The following PKHD1 variants were observed in gnomAD, a reference collection of about 807,000 sequenced individuals.
PKHD1 encodes PKHD1 ciliary IPT domain containing fibrocystin/polyductin, also known as fibrocystin.
PKHD1 carries 291 observed loss-of-function variants against 412.0 expected under a neutral mutation model. The observed-to-expected ratio is 0.71, with a 90% confidence interval of 0.64 to 0.78. The LOEUF (loss-of-function observed/expected upper bound fraction) is 0.78. Ranked by LOEUF, PKHD1 falls within the 30% of genes least tolerant of loss-of-function variation. The pLI, the probability that PKHD1 is intolerant of heterozygous loss-of-function variation, is 0.00. For synonymous variants in PKHD1, 1,777 were observed against 1,821.5 expected (o/e 0.98, Z 0.62); for missense variants, 4,825 against 4,950.7 (o/e 0.97, Z 0.76).
chr6:52,045,441 C>T lies in PKHD1; in HGVS notation c.2593-353G>A, dbSNP rs192961549. Among the ~76,000 whole-genome samples the T allele has an allele frequency of 1.8e-4, 27 of 152,314 alleles. No homozygotes were observed. The East Asian group carries it at 2.9e-3, about 16-fold the overall frequency. ...AAGAAACAGTGCCATGAGATAAGAG[C>T]AAGGTCTCCCATTCTTCCTCCATCT... On this transcript the variant is annotated intron_variant, in intron 24 of 66. Transcript: ENST00000371117.
Position 51,767,251 on chromosome 6 carries a change from CT to C in PKHD1, c.8642+5450del, listed in dbSNP as rs371375096. Among the ~76,000 whole-genome samples, 1,190 of 151,586 alleles carry C rather than the reference CT, an allele frequency of 7.9e-3. 15 individuals are homozygous for C. The highest frequency in any genetic ancestry group is 0.027 in the African/African-American group (1,128 of 41,376). On this transcript the variant is annotated intron_variant, in intron 55 of 66. Transcript: ENST00000371117. ...AAATGCTAATGTTTGGCTATTTTCT[CT>C]TTTTTTTGGCCTTTTATTATATTTA...
chr6:51,736,135 T>C (rs905457265), intron 60 of PKHD1, among the ~76,000 whole-genome samples: 3 of 152,056 alleles, frequency 2.0e-5, no homozygotes, highest in Admixed American at 6.6e-5. Context: ...GCCAGAAATA[T>C]GGTGGACACT....
At position 52,025,658 on chromosome 6, in the gene PKHD1, T is replaced by C. The variant is rs377746647; in HGVS notation, c.4152A>G (p.Gln1384=). The change falls in exon 32 of 67, where the codon CAA becomes CAG. Residue 1384 remains glutamine, a synonymous_variant. Transcript: ENST00000371117. ...GFANMSVVLQ[Q]FAVMPRIMAI... is the part of the protein sequence containing the mutation. Reference sequence around the variant, plus strand: ...CCATTATCCGAGGCATCACTGCAAATTGCTGGAGCACCACAGACATATTAG... The same window carrying C: ...CCATTATCCGAGGCATCACTGCAAACTGCTGGAGCACCACAGACATATTAG... 6.2e-7 allele frequency: 1 copy of C among 1,614,150 alleles called. No individual in the cohort carries two copies. Among genetic ancestry groups the C allele is most frequent in the East Asian group, 2.2e-5 (1 of 44,882 alleles).
At chr6:51,988,891 G>A (rs1796532350) in intron 35 of PKHD1, among the ~76,000 whole-genome samples, 1 of 152,126 alleles carries the variant, frequency 6.6e-6, no homozygotes. Context: ...GAGATGACAA[G>A]ACAAGTCCTC....
At position 51,994,242 on chromosome 6, in the gene PKHD1, C is replaced by T. The variant is rs538129092; in HGVS notation, c.5751+16067G>A. Among the ~76,000 whole-genome samples, 3 of 151,904 alleles carry T rather than the reference C, an allele frequency of 2.0e-5. No homozygotes were observed. In the East Asian group the frequency reaches 5.8e-4, roughly 29 times the overall value. On this transcript the variant is annotated intron_variant, in intron 35 of 66. Coordinates refer to ENST00000371117, the MANE Select transcript of PKHD1 (RefSeq NM_138694.4). ...CTCCGCCTCCCGGGTTCACGCCATT[C>T]TCCTGCCTCAGCCTCCCGGGTAGCT...
intron 35 of PKHD1, among the ~76,000 whole-genome samples, chr6:51,990,271 T>C (rs911934838): frequency 1.3e-5 from 2 of 151,994 alleles, no homozygotes; most frequent in African/African-American, 2.4e-5. Context: ...CGAGCTGGGG[T>C]CAACCATTTA....
At chr6:51,977,008 T>C (rs1374271703) in intron 35 of PKHD1, among the ~76,000 whole-genome samples, 1 of 151,676 alleles carries the variant, frequency 6.6e-6, no homozygotes, top group Non-Finnish European at 1.5e-5. Flanking sequence ...ATCAATATTC[T>C]TGGGTTCTGT....
intron 60 of PKHD1, among the ~76,000 whole-genome samples, chr6:51,661,237 G>T (rs1182127685): frequency 6.6e-6 from 1 of 151,910 alleles, no homozygotes; most frequent in African/African-American, 2.4e-5. Flanking sequence ...CAGAAATATA[G>T]ATACAGATAT....
intron 34 of PKHD1, among the ~76,000 whole-genome samples, chr6:52,014,609 A>G (rs566437027): frequency 6.6e-6 from 1 of 151,798 alleles, no homozygotes; most frequent in East Asian, 1.9e-4. Context: ...GGATGGATGG[A>G]TGAATACACT....
Position 51,887,160 on chromosome 6 carries a change from G to C in PKHD1, c.7082C>G (p.Thr2361Ser), listed in dbSNP as rs1778343130. 1 of 1,611,896 alleles carries C rather than the reference G, an allele frequency of 6.2e-7. No homozygotes were observed. The highest frequency in any genetic ancestry group is 8.5e-7 in the Non-Finnish European group (1 of 1,177,924). ...QTSQAPLLSF[T>S]QNIAHSCTRY... ...GGTACAAGAATGTGCAATGTTCTGA[G>C]TGAAGGAAAGAAGCGGAGCTTGTGA... The change falls in exon 44 of 67, where the codon ACT (threonine) becomes AGT (serine). Residue 2361 changes from threonine to serine, a missense_variant. By Grantham distance (58) the Thr-to-Ser change is moderately conservative (BLOSUM62 1). Transcript: ENST00000371117.
At chr6:51,814,755 T>C (rs1194071615) in intron 52 of PKHD1, among the ~76,000 whole-genome samples, 1 of 152,148 alleles carries the variant, frequency 6.6e-6, no homozygotes, top group East Asian at 1.9e-4. Context: ...GTGGAGGAGC[T>C]TGAATGAAAG....
chr6:52,064,938 C>G lies in PKHD1; in HGVS notation c.976+17G>C. The stretch of plus-strand genomic sequence containing the variant: ...AGATATTCAGAGTTTATTGAACAGC[C>G]CTGGTGGCTTCCTTACCTGGCTGAG... On this transcript the variant is annotated intron_variant, in intron 13 of 66. Coordinates refer to ENST00000371117, the MANE Select transcript of PKHD1 (RefSeq NM_138694.4). 4 of 1,412,388 alleles carry G rather than the reference C, an allele frequency of 2.8e-6. No homozygotes were observed. Among genetic ancestry groups the G allele is most frequent in the Middle Eastern group, 1.8e-4 (1 of 5,614 alleles). The allele number at this position is 1,412,388 out of a possible 1,614,324, so 87.5% of individuals were successfully genotyped here.
chr6:51,924,114 C>T (rs541780866), intron 37 of PKHD1, among the ~76,000 whole-genome samples: 3 of 152,120 alleles, frequency 2.0e-5, no homozygotes, highest in East Asian at 3.9e-4. Context: ...AAATATAATA[C>T]CCAATTCAAT....
intron 60 of PKHD1, chr6:51,720,904 A>G (rs551460604): frequency 1.3e-5 from 10 of 776,378 alleles, no homozygotes; most frequent in Non-Finnish European, 1.6e-5. Flanking sequence ...TAAATGCCCA[A>G]TAAGTATCTG....
chr6:51,688,775 A>G (rs1777777108), intron 60 of PKHD1, among the ~76,000 whole-genome samples: 1 of 152,146 alleles, frequency 6.6e-6, no homozygotes, highest in Non-Finnish European at 1.5e-5. Context: ...TCCTGGACAC[A>G]TACACCCTCC....
At chr6:51,724,115 C>A (rs1782263595) in intron 60 of PKHD1, among the ~76,000 whole-genome samples, 1 of 152,244 alleles carries the variant, frequency 6.6e-6, no homozygotes, top group African/African-American at 2.4e-5. Context: ...CCCACAAAAC[C>A]TTTTCACCTA....
chr6:51,699,920 A>AGTGTGTATGTGTGTATGTGTGTGTGTGT (rs57760395), intron 60 of PKHD1, among the ~76,000 whole-genome samples: 2 of 137,812 alleles, frequency 1.5e-5, no homozygotes. Context: ...ATATATATGG[A>AGTGTGTATGTGTGTATGTGTGTGTGTGT]GTGTGTGTGT....
At chr6:51,792,774 T>C (rs1793958812) in intron 52 of PKHD1, among the ~76,000 whole-genome samples, 2 of 152,214 alleles carry the variant, frequency 1.3e-5, no homozygotes, top group Admixed American at 1.3e-4. Context: ...CAAGCATTAG[T>C]TCTGCTAGCA....
rs398124498 is a variant in PKHD1 at position 52,083,223 on chromosome 6, C to A, written c.85G>T (p.Glu29Ter). 6.2e-6 allele frequency: 10 copies of A among 1,612,204 alleles called. No individual in the cohort carries two copies. Among genetic ancestry groups the A allele is most frequent in the Non-Finnish European group, 8.5e-6 (10 of 1,178,236 alleles). Residue 29 changes from glutamate (E) to a stop codon, truncating the protein, a stop_gained, in exon 3 of 67, where the codon GAA (glutamate) becomes TAA (stop). Coordinates refer to ENST00000371117, the MANE Select transcript of PKHD1 (RefSeq NM_138694.4). LOFTEE classifies it high-confidence loss of function. ...RHLSLHIEPE[E>*]GSLAGGTWIT... ...CACGTTCCCCCTGCAAGGCTACCTT[C>A]TTCAGGTTCAATATGTAAACTCAGG...
Sources: allele counts gnomAD v4.1 joint callset (sites outside exome capture counted in the v4.1 genomes callset), GRCh38; gene constraint gnomAD v4.1.1; transcripts MANE v1.5; gene names NCBI Gene and HGNC (gene_info 2026-07-23, HGNC 2026-07-21).